The following DMRT1 variants were observed in gnomAD, a reference collection of about 807,000 sequenced individuals.
DMRT1 encodes doublesex- and mab-3-related transcription factor 1.
In DMRT1, 7 loss-of-function variants were observed where a neutral mutation model predicts 32.3. That is an observed-to-expected ratio of 0.22 (90% confidence interval 0.12 to 0.41). The LOEUF (loss-of-function observed/expected upper bound fraction) is 0.41, where lower values mean the gene tolerates loss of function less well. Among genes scored for constraint, DMRT1 ranks in the 10% least tolerant of loss-of-function variants. DMRT1 has a pLI of 1.00. For missense variants in DMRT1, 625 were observed against 500.5 expected, an observed-to-expected ratio of 1.25 and a Z score of -2.37; for synonymous variants, 278 against 206.1, an observed-to-expected ratio of 1.35 and a Z score of -2.99.
chr9:896,055 A>G (rs1368592643), intron 3 of DMRT1, among the ~76,000 whole-genome samples: 1 of 151,476 alleles, frequency 6.6e-6, no homozygotes, highest in Non-Finnish European at 1.5e-5. Context: ...GGCCCACCTC[A>G]GCCTCCCAAA....
intron 1 of DMRT1, chr9:842,893 C>T (rs932760841): frequency 2.0e-5 from 3 of 152,380 alleles, no homozygotes; most frequent in Admixed American, 1.3e-4. Flanking sequence ...CGCGTTCCAA[C>T]AGAATTGGGA....
At chr9:890,086 T>G (rs957295527) in intron 2 of DMRT1, among the ~76,000 whole-genome samples, 518 of 23,668 alleles carry the variant, frequency 0.022, 6 homozygotes, top group African/African-American at 0.047. Flanking sequence ...ACCAAACGTG[T>G]TTTTTTTTTT....
intron 3 of DMRT1, among the ~76,000 whole-genome samples, chr9:910,753 C>A (rs574660615): frequency 1.3e-5 from 2 of 152,118 alleles, no homozygotes; most frequent in South Asian, 2.1e-4. Flanking sequence ...ATCCATGGGT[C>A]GTACTCTGGT....
intron 2 of DMRT1, among the ~76,000 whole-genome samples, chr9:884,292 C>A (rs907377479): frequency 6.7e-6 from 1 of 150,192 alleles, no homozygotes; most frequent in Admixed American, 6.7e-5. Flanking sequence ...ACTCCACGAT[C>A]AGTAAGGGTA....
At chr9:850,369 G>C (rs1456607216) in intron 2 of DMRT1, among the ~76,000 whole-genome samples, 1 of 152,188 alleles carries the variant, frequency 6.6e-6, no homozygotes, top group Non-Finnish European at 1.5e-5. Context: ...CCTGAAGCTT[G>C]TATGCAGCAA....
At chr9:877,616 A>G (rs1816557740) in intron 2 of DMRT1, among the ~76,000 whole-genome samples, 1 of 152,234 alleles carries the variant, frequency 6.6e-6, no homozygotes, top group South Asian at 2.1e-4. Context: ...CCCATTCCAA[A>G]AAAAGAAGCT....
Position 854,573 on chromosome 9 carries a change from A to G in DMRT1, c.538+7430A>G, listed in dbSNP as rs796134040. On this transcript the variant is annotated intron_variant, in intron 2 of 4. Transcript: ENST00000382276. ...CAAATAAGCAATAAAAGCGTTTTAT[A>G]CAAATTGGATTGAGACTTTATTTTT... 5.9e-5 allele frequency among the ~76,000 whole-genome samples: 9 copies of G among 152,318 alleles called. 1 individual carries two copies. Among genetic ancestry groups the G allele is most frequent in the African/African-American group, 2.2e-4 (9 of 41,574 alleles).
chr9:863,717 G>A (rs561316885), intron 2 of DMRT1, among the ~76,000 whole-genome samples: 2 of 152,270 alleles, frequency 1.3e-5, no homozygotes, highest in East Asian at 1.9e-4. Flanking sequence ...TGTCATTTAC[G>A]CCACTAAATT....
chr9:953,635 C>T (rs1412085424), intron 4 of DMRT1, among the ~76,000 whole-genome samples: 1 of 152,174 alleles, frequency 6.6e-6, no homozygotes, highest in African/African-American at 2.4e-5. Flanking sequence ...GCTGCTTAAG[C>T]TGCTTCTTAG....
intron 1 of DMRT1, among the ~76,000 whole-genome samples, chr9:843,940 A>G (rs909229546): frequency 1.3e-5 from 2 of 152,346 alleles, no homozygotes; most frequent in East Asian, 3.9e-4. Flanking sequence ...GTGGGTGAAA[A>G]GAATACACTG....
chr9:879,135 A>C (rs1025902055), intron 2 of DMRT1, among the ~76,000 whole-genome samples: 1 of 152,118 alleles, frequency 6.6e-6, no homozygotes, highest in East Asian at 1.9e-4. Context: ...AATTCTCTCA[A>C]ATCAGTCCCC....
At chr9:864,793 C>CG (rs2132590936) in intron 2 of DMRT1, among the ~76,000 whole-genome samples, 1 of 152,272 alleles carries the variant, frequency 6.6e-6, no homozygotes, top group Admixed American at 6.5e-5. Flanking sequence ...AGCCACCGTG[C>CG]CCGCCAGCCA....
rs1233062382 is a variant in DMRT1 at position 903,945 on chromosome 9, T to C, written c.822+9750T>C. On this transcript the variant is annotated intron_variant, in intron 3 of 4. Transcript: ENST00000382276. Reference sequence around the variant, plus strand: ...CGGAAGACTTGTGTAAGTCCTGGGCTGTCCTACAGATTCATTTCCATTGTT... The same window carrying C: ...CGGAAGACTTGTGTAAGTCCTGGGCCGTCCTACAGATTCATTTCCATTGTT... Among the ~76,000 whole-genome samples, 3 of 152,232 alleles carry C rather than the reference T, an allele frequency of 2.0e-5. No homozygotes were observed. The East Asian group carries it at 5.8e-4, about 29-fold the overall frequency.
chr9:948,730 A>G (rs900110814), intron 4 of DMRT1, among the ~76,000 whole-genome samples: 11 of 152,040 alleles, frequency 7.2e-5, no homozygotes, highest in South Asian at 2.1e-4. Flanking sequence ...ACTCCACCCA[A>G]TCACACAATG....
intron 2 of DMRT1, among the ~76,000 whole-genome samples, chr9:864,486 C>T (rs567855128): frequency 1.4e-5 from 2 of 146,156 alleles, no homozygotes; most frequent in Admixed American, 7.0e-5. Flanking sequence ...AGCCACCATG[C>T]CCAGCCAGTA....
At chr9:882,754 CT>C (rs1816780470) in intron 2 of DMRT1, among the ~76,000 whole-genome samples, 1 of 148,114 alleles carries the variant, frequency 6.8e-6, no homozygotes, top group African/African-American at 2.5e-5. Flanking sequence ...CCCGTCTCCC[CT>C]GAATCTTTTT....
intron 4 of DMRT1, among the ~76,000 whole-genome samples, chr9:945,908 T>C (rs968418197): frequency 1.3e-5 from 2 of 152,240 alleles, no homozygotes; most frequent in South Asian, 4.1e-4. Context: ...TCTGTAGAAA[T>C]GTGGTTTGCT....
At chr9:858,832 C>G (rs964623242) in intron 2 of DMRT1, among the ~76,000 whole-genome samples, 1 of 137,178 alleles carries the variant, frequency 7.3e-6, no homozygotes, top group Non-Finnish European at 1.5e-5. Flanking sequence ...TGAGATCGCG[C>G]CATTGCACTC....
intron 4 of DMRT1, among the ~76,000 whole-genome samples, chr9:957,945 G>A (rs1045633031): frequency 3.3e-5 from 5 of 152,214 alleles, no homozygotes; most frequent in African/African-American, 9.7e-5. Flanking sequence ...GCAGGCGGAG[G>A]TTGCCCCGAT....
Sources: gnomAD v4.1 joint callset for allele counts (sites outside exome capture counted in the v4.1 genomes callset) on GRCh38, gnomAD v4.1.1 for gene constraint, MANE v1.5 for transcripts, NCBI Gene and HGNC (gene_info 2026-07-23, HGNC 2026-07-21) for gene names.